PRRG3: variants seen among roughly 807,000 people sequenced by gnomAD.
PRRG3 encodes proline rich and Gla domain 3.
A neutral mutation model predicts 15.8 loss-of-function variants in PRRG3; 21 were observed. The ratio of observed to expected loss-of-function variants is 1.33; its 90% CI spans 0.94 to 1.92. The LOEUF (loss-of-function observed/expected upper bound fraction) is 1.92. Ranked by LOEUF, PRRG3 falls within the 40% of genes most tolerant of loss-of-function variation. The pLI is 0.00. For missense variants in PRRG3, 251 were observed against 200.2 expected (o/e 1.25, Z -1.53); for synonymous variants, 125 against 84.1 (o/e 1.49, Z -2.66).
chrX:151,700,305 C>T (rs769543104), intron 3 of PRRG3, 149 bp downstream of exon 3: 42 of 1,150,758 alleles, frequency 3.6e-5, no homozygotes, highest in East Asian at 1.2e-4. Flanking sequence ...AGATAAAGTA[C>T]GTACAGTCCC....
At chrX:151,695,136 T>G (rs2014734142), upstream of PRRG3, 1 of 110,991 alleles carries the variant, frequency 9.0e-6, no homozygotes, top group East Asian at 2.9e-4. Context: ...AGCGCGACGA[T>G]TGCGGCCTGG....
At position 151,705,237 on chromosome X, in the gene PRRG3, C is replaced by T. The variant is rs1309412974; in HGVS notation, c.*4204C>T. 6 of 338,826 alleles carry T rather than the reference C, an allele frequency of 1.8e-5. No homozygotes were observed. The Admixed American group carries it at 1.9e-4, about 11-fold the overall frequency. 27.9% of individuals were successfully genotyped at this position (338,826 alleles called of 1,213,427 possible). The stretch of plus-strand genomic sequence containing the variant: ...CTAGACTGCAATTTAAACTAATACA[C>T]ATGATGTATCTTTCTAAATATTCTG... On this transcript the variant is annotated 3_prime_UTR_variant, in exon 4 of 4. Coordinates refer to ENST00000674457, the MANE Select transcript of PRRG3 (RefSeq NM_001372163.1).
In PRRG3 at chrX:151,705,423, C is replaced by T. The variant is rs1245432794; in HGVS notation, c.*4390C>T. Reference sequence around the variant, plus strand: ...TAGCACACCCTCTCAAGCTCAATGCCTCAACAGTTGTTTCACTGTACTGAT... The same window carrying T: ...TAGCACACCCTCTCAAGCTCAATGCTTCAACAGTTGTTTCACTGTACTGAT... On this transcript the variant is annotated 3_prime_UTR_variant, in exon 4 of 4. Transcript: ENST00000674457. 6 of 340,331 alleles carry T rather than the reference C, an allele frequency of 1.8e-5. No individual in the cohort carries two copies. In the East Asian group the frequency reaches 4.9e-4, roughly 28 times the overall value. The allele number at this position is 340,331 out of a possible 1,213,427, so 28.0% of individuals were successfully genotyped here. A position where few individuals can be genotyped will look rare whatever the true frequency, so the allele number is the denominator to read the frequency against.
chrX:151,698,904 C>G (rs2014812764), intron 2 of PRRG3, 83 bp downstream of exon 2: 1 of 936,889 alleles, frequency 1.1e-6, no homozygotes, highest in African/African-American at 1.9e-5. Flanking sequence ...TTCCCAGCTT[C>G]CCTGCCCCCT....
chrX:151,699,956 C>A lies in PRRG3; in HGVS notation c.8-40C>A, dbSNP rs749338693. The A allele has an allele frequency of 7.0e-6, 8 of 1,144,071 alleles. No homozygotes were observed. In the African/African-American group the frequency reaches 1.1e-4, roughly 15 times the overall value. 94.3% of individuals were successfully genotyped at this position (1,144,071 alleles called of 1,213,427 possible). ...GGCCTGGTTTGAAGGAGCCCCTGGG[C>A]ATCTCCCCATTCCAGGCCTCAGTAG... On this transcript the variant is annotated intron_variant, in intron 2 of 3. Coordinates refer to ENST00000674457, the MANE Select transcript of PRRG3 (RefSeq NM_001372163.1).
chrX:151,697,860 A>G (rs2014794806), intron 1 of PRRG3, among the ~76,000 whole-genome samples: 1 of 109,666 alleles, frequency 9.1e-6, no homozygotes, highest in Admixed American at 9.8e-5. Flanking sequence ...TGCTGTGACC[A>G]TGGTTTAAGT....
Position 151,702,985 on chromosome X carries a change from C to G in PRRG3, c.*1952C>G, listed in dbSNP as rs2014910280. ...GGAGCAGGTGAGAAGAAACTTATCCCAATATGTCTACTCAGTTAGCACAGA... is the reference window on the plus strand; with the variant it reads ...GGAGCAGGTGAGAAGAAACTTATCCGAATATGTCTACTCAGTTAGCACAGA... On this transcript the variant is annotated 3_prime_UTR_variant, in exon 4 of 4. Coordinates refer to ENST00000674457, the MANE Select transcript of PRRG3 (RefSeq NM_001372163.1). 1 of 112,532 alleles carries G rather than the reference C, an allele frequency of 8.9e-6. No homozygotes were observed. Among genetic ancestry groups the G allele is most frequent in the Non-Finnish European group, 1.9e-5 (1 of 53,259 alleles). 9.3% of individuals were successfully genotyped at this position (112,532 alleles called of 1,213,427 possible).
chrX:151,701,166 A>T lies in PRRG3; in HGVS notation c.*133A>T. On this transcript the variant is annotated 3_prime_UTR_variant, in exon 4 of 4. Coordinates refer to ENST00000674457, the MANE Select transcript of PRRG3 (RefSeq NM_001372163.1). Reference sequence around the variant, plus strand: ...TTGCCAAATAATTCCCTAACTGTGGAGTTTTAGGAAGTCAGTTGTCAGAGA... The same window carrying T: ...TTGCCAAATAATTCCCTAACTGTGGTGTTTTAGGAAGTCAGTTGTCAGAGA... The T allele has an allele frequency of 1.1e-5, 6 of 529,297 alleles. No homozygotes were observed. The highest frequency in any genetic ancestry group is 1.6e-5 in the Non-Finnish European group (6 of 375,434). 43.6% of individuals were successfully genotyped at this position (529,297 alleles called of 1,213,427 possible).
rs777225317 is a variant in PRRG3 at position 151,702,903 on chromosome X, C to T, written c.*1870C>T. 8.9e-6 allele frequency: 1 copy of T among 112,624 alleles called. No individual in the cohort carries two copies. Among genetic ancestry groups the T allele is most frequent in the East Asian group, 2.8e-4 (1 of 3,553 alleles). 9.3% of individuals were successfully genotyped at this position (112,624 alleles called of 1,213,427 possible). On this transcript the variant is annotated 3_prime_UTR_variant, in exon 4 of 4. Transcript: ENST00000674457. ...GGGGGACCTGGGGAAGCCTGAAGCT[C>T]GGGGCTAGCCCTGGCTCTCCCAGTA...
chrX:151,701,136 C>A lies in PRRG3; in HGVS notation c.*103C>A. On this transcript the variant is annotated 3_prime_UTR_variant, in exon 4 of 4. Coordinates refer to ENST00000674457, the MANE Select transcript of PRRG3 (RefSeq NM_001372163.1). The stretch of plus-strand genomic sequence containing the variant: ...TGCCACCACAAAACAGCCTTAGCCT[C>A]CTTGTTGCCAAATAATTCCCTAACT... The A allele has an allele frequency of 2.6e-6, 2 of 763,353 alleles. No homozygotes were observed. Among genetic ancestry groups the A allele is most frequent in the Non-Finnish European group, 3.5e-6 (2 of 566,489 alleles). 62.9% of individuals were successfully genotyped at this position (763,353 alleles called of 1,213,427 possible).
In PRRG3 at chrX:151,695,514, C is replaced by T. The variant is rs1400396058; in HGVS notation, c.-62C>T. ...CGAGGTGGCGGGCTGCGTGCGCAAA[C>T]AGGGCGGCCGCCTTCTGGGCCCGGA... is the stretch of plus-strand genomic sequence containing the variant. On this transcript the variant is annotated 5_prime_UTR_variant, in exon 1 of 4. Transcript: ENST00000674457. 1 of 112,005 alleles carries T rather than the reference C, an allele frequency of 8.9e-6. No homozygotes were observed. The highest frequency in any genetic ancestry group is 1.9e-5 in the Non-Finnish European group (1 of 53,080). 9.2% of individuals were successfully genotyped at this position (112,005 alleles called of 1,213,427 possible).
At position 151,703,929 on chromosome X, in the gene PRRG3, TG is replaced by T. The variant is rs1377710849; in HGVS notation, c.*2897del. On this transcript the variant is annotated 3_prime_UTR_variant, in exon 4 of 4. Transcript: ENST00000674457. Reference sequence around the variant, plus strand: ...TTTTTTTTTTGTGTGTGTGTGTGTGTGTGTGTGTGTGTGTGTGTGTGTGTAT... The same window carrying T: ...TTTTTTTTTTGTGTGTGTGTGTGTGTTGTGTGTGTGTGTGTGTGTGTGTAT... The T allele has an allele frequency of 1.2e-3, 95 of 79,331 alleles. 4 individuals are homozygous for T. The highest frequency in any genetic ancestry group is 4.9e-3 in the African/African-American group (90 of 18,215). 6.5% of individuals were successfully genotyped at this position (79,331 alleles called of 1,213,427 possible). A position where few individuals can be genotyped will look rare whatever the true frequency, so the allele number is the denominator to read the frequency against.
In PRRG3 at chrX:151,700,573, C is replaced by A. The variant is rs1490318875; in HGVS notation, c.236C>A (p.Ala79Asp). The stretch of plus-strand genomic sequence containing the variant: ...CGAGACCCCTCGCAGAGCTCAGATG[C>A]CATGTATGTGGTGGTACCCCTTCTG... Reference protein sequence around the residue: ...SVRDPSQSSDAMYVVVPLLGV... With the variant: ...SVRDPSQSSDDMYVVVPLLGV... Residue 79 changes from alanine (A) to aspartate (D), a missense_variant, in exon 4 of 4, where the codon GCC becomes GAC. Coordinates refer to ENST00000674457, the MANE Select transcript of PRRG3 (RefSeq NM_001372163.1). 3 of 1,207,519 alleles carry A rather than the reference C, an allele frequency of 2.5e-6. No homozygotes were observed. Among genetic ancestry groups the A allele is most frequent in the African/African-American group, 1.8e-5 (1 of 57,050 alleles).
intron 1 of PRRG3, among the ~76,000 whole-genome samples, chrX:151,697,111 C>T (rs1178525338): frequency 7.0e-5 from 6 of 86,290 alleles, no homozygotes; most frequent in African/African-American, 2.5e-4. Flanking sequence ...TCCCTCCCTT[C>T]CTTCCTCCCT....
In PRRG3 at chrX:151,701,878, G is replaced by T. The variant is rs1019946109; in HGVS notation, c.*845G>T. ...CATGAGCCTACTTTTTGCGAATGGTGCATTGAAATTGAACTTCAGATTGAG... is the reference window on the plus strand; with the variant it reads ...CATGAGCCTACTTTTTGCGAATGGTTCATTGAAATTGAACTTCAGATTGAG... On this transcript the variant is annotated 3_prime_UTR_variant, in exon 4 of 4. Coordinates refer to ENST00000674457, the MANE Select transcript of PRRG3 (RefSeq NM_001372163.1). The T allele has an allele frequency of 1.1e-4, 12 of 112,888 alleles. No homozygotes were observed. The East Asian group carries it at 3.4e-3, about 32-fold the overall frequency. 9.3% of individuals were successfully genotyped at this position (112,888 alleles called of 1,213,427 possible).
In PRRG3 at chrX:151,704,078, AAAAACTTTTTAAGATTTTTTAAAAG is replaced by A. The variant is rs1322805633; in HGVS notation, c.*3050_*3074del. On this transcript the variant is annotated 3_prime_UTR_variant, in exon 4 of 4. Transcript: ENST00000674457. ...ATGTGACTGTCACTTGTTTTCAACC[AAAAACTTTTTAAGATTTTTTAAAAG>A]AAAAATCGAAATCCTGTCCCTCCCC... 9.2e-6 allele frequency: 1 copy of A among 108,629 alleles called. No individual in the cohort carries two copies. Among genetic ancestry groups the A allele is most frequent in the Non-Finnish European group, 1.9e-5 (1 of 52,427 alleles). The allele number at this position is 108,629 out of a possible 1,213,427, so 9.0% of individuals were successfully genotyped here.
Position 151,704,548 on chromosome X carries a change from G to T in PRRG3, c.*3515G>T, listed in dbSNP as rs2014947560. The stretch of plus-strand genomic sequence containing the variant: ...GAAAAAAAATTCAACACTGCCTCTA[G>T]ATTGTTATTTTGTCCAAGAGAGAGA... On this transcript the variant is annotated 3_prime_UTR_variant, in exon 4 of 4. Transcript: ENST00000674457. The T allele has an allele frequency of 9.0e-6, 1 of 111,494 alleles. No homozygotes were observed. Among genetic ancestry groups the T allele is most frequent in the Admixed American group, 9.4e-5 (1 of 10,583 alleles). 9.2% of individuals were successfully genotyped at this position (111,494 alleles called of 1,213,427 possible).
chrX:151,700,817 G>A lies in PRRG3; in HGVS notation c.480G>A (p.Gly160=). The A allele has an allele frequency of 2.5e-6, 3 of 1,191,033 alleles. No individual in the cohort carries two copies. Among genetic ancestry groups the A allele is most frequent in the Non-Finnish European group, 3.4e-6 (3 of 883,488 alleles). ...CGAACAGCCCCCAGGTGGTGCTGGG[G>A]CCCAGTCGGGGGGGCAGGACCACAG... The part of the protein sequence containing the change: ...EAANSPQVVL[G]PSRGGRTTVR... Residue 160 remains glycine (G), a synonymous_variant, in exon 4 of 4, where the codon GGG becomes GGA. Coordinates refer to ENST00000674457, the MANE Select transcript of PRRG3 (RefSeq NM_001372163.1).
At chrX:151,697,820 G>A (rs2014794036) in intron 1 of PRRG3, among the ~76,000 whole-genome samples, 1 of 109,515 alleles carries the variant, frequency 9.1e-6, no homozygotes, top group African/African-American at 3.3e-5. Flanking sequence ...GTGGGCGTGT[G>A]TATTGTGGGG....
Sources: gnomAD v4.1 joint callset for allele counts (sites outside exome capture counted in the v4.1 genomes callset) on GRCh38, gnomAD v4.1.1 for gene constraint, MANE v1.5 for transcripts, NCBI Gene and HGNC (gene_info 2026-07-23, HGNC 2026-07-21) for gene names.